The following AGO3 variants were observed in gnomAD, a reference collection of about 807,000 sequenced individuals.
The protein encoded by AGO3 is argonaute RISC catalytic component 3.
AGO3 carries 16 observed loss-of-function variants against 105.5 expected under a neutral mutation model. The ratio of observed to expected loss-of-function variants is 0.15; its 90% CI spans 0.10 to 0.23. The LOEUF (loss-of-function observed/expected upper bound fraction) is 0.23. Ranked by LOEUF, AGO3 falls within the 10% of genes least tolerant of loss-of-function variation. The pLI, the probability that AGO3 is intolerant of heterozygous loss-of-function variation, is 1.00. For synonymous variants in AGO3, 340 were observed against 367.3 expected (o/e 0.93, Z 0.85); for missense variants, 534 against 1,088.0 (o/e 0.49, Z 7.16).
chr1:35,968,867 A>G (rs564607573), intron 3 of AGO3, among the ~76,000 whole-genome samples: 1 of 150,372 alleles, frequency 6.7e-6, no homozygotes, highest in Admixed American at 6.6e-5. Context: ...AGAGTTCCAA[A>G]CTCTCACTTC....
At position 36,008,627 on chromosome 1, in the gene AGO3, TTATAAG is replaced by T; in HGVS notation, c.794-57_794-52del. 1 of 1,509,196 alleles carries T rather than the reference TTATAAG, an allele frequency of 6.6e-7. No individual in the cohort carries two copies. Among genetic ancestry groups the T allele is most frequent in the Non-Finnish European group, 9.1e-7 (1 of 1,093,140 alleles). The allele number at this position is 1,509,196 out of a possible 1,614,324, so 93.5% of individuals were successfully genotyped here. ...GAGTTTTTATGGTAATGAACAGGCT[TTATAAG>T]TATAAATATTTTACATGTGACAGTT... On this transcript the variant is annotated intron_variant, in intron 6 of 18. Coordinates refer to ENST00000373191, the MANE Select transcript of AGO3 (RefSeq NM_024852.4). This position sits in a 1 kb window ranked among gnomAD's most constrained non-coding sequence, Gnocchi z 5.1.
At chr1:36,024,860 T>C (rs1641426044) in intron 11 of AGO3, among the ~76,000 whole-genome samples, 1 of 152,154 alleles carries the variant, frequency 6.6e-6, no homozygotes, top group Admixed American at 6.5e-5. Context: ...TTTCATATAT[T>C]CTGGCCAAAG....
chr1:35,971,047 TTTTA>T (rs1224459054), intron 3 of AGO3, among the ~76,000 whole-genome samples: 2 of 137,320 alleles, frequency 1.5e-5, no homozygotes, highest in African/African-American at 6.3e-5. Context: ...TATATATATT[TTTTA>T]TTATAAATAT....
intron 2 of AGO3, among the ~76,000 whole-genome samples, chr1:35,951,505 C>T (rs1001620924): frequency 6.6e-6 from 1 of 152,092 alleles, no homozygotes; most frequent in Non-Finnish European, 1.5e-5. Flanking sequence ...CTCAAGCAAT[C>T]CTCCCACCTC....
rs1569751104 is a variant in AGO3, at chr1:36,008,570, T to C, written c.794-120T>C. On this transcript the variant is annotated intron_variant, in intron 6 of 18. Transcript: ENST00000373191. This position sits in a 1 kb window ranked among gnomAD's most constrained non-coding sequence, Gnocchi z 5.1. ...AATCTGGTGTTTATATCATCTTGCCTGTATCACAGAATTTTTTGTCTGTTC... is the reference window on the plus strand; with the variant it reads ...AATCTGGTGTTTATATCATCTTGCCCGTATCACAGAATTTTTTGTCTGTTC... 5 of 836,678 alleles carry C rather than the reference T, an allele frequency of 6.0e-6. No individual in the cohort carries two copies. The East Asian group carries it at 1.4e-4, about 23-fold the overall frequency. 51.8% of individuals were successfully genotyped at this position (836,678 alleles called of 1,614,324 possible).
At chr1:36,018,622 G>A (rs968511410) in intron 11 of AGO3, among the ~76,000 whole-genome samples, 2 of 151,870 alleles carry the variant, frequency 1.3e-5, no homozygotes, top group Non-Finnish European at 1.5e-5. Flanking sequence ...TAGTAGAGAT[G>A]GGGTTTCACC....
chr1:36,032,370 A>C (rs1427156884), intron 12 of AGO3, among the ~76,000 whole-genome samples: 1 of 151,964 alleles, frequency 6.6e-6, no homozygotes, highest in Non-Finnish European at 1.5e-5. Context: ...TTCTTTAGAG[A>C]AATGTGTATT....
At chr1:35,951,491 T>G (rs1015612142) in intron 2 of AGO3, among the ~76,000 whole-genome samples, 1 of 152,126 alleles carries the variant, frequency 6.6e-6, no homozygotes, top group Non-Finnish European at 1.5e-5. Flanking sequence ...TTGACCTCCC[T>G]GGGCTCAAGC....
Position 36,055,854 on chromosome 1 carries a change from C to T in AGO3, c.*109C>T. 2 of 1,034,334 alleles carry T rather than the reference C, an allele frequency of 1.9e-6. No homozygotes were observed. Among genetic ancestry groups the T allele is most frequent in the South Asian group, 1.5e-5 (1 of 67,964 alleles). The allele number at this position is 1,034,334 out of a possible 1,614,324, so 64.1% of individuals were successfully genotyped here. On this transcript the variant is annotated 3_prime_UTR_variant, in exon 19 of 19. Transcript: ENST00000373191. The surrounding 1 kb of genome is among the most constrained non-coding windows in gnomAD (Gnocchi z 4.4). Reference sequence around the variant, plus strand: ...AGGACACCTCCAGCCATACAGAAACCAACACTGTGTGGGGGCCAAGGTCTG... The same window carrying T: ...AGGACACCTCCAGCCATACAGAAACTAACACTGTGTGGGGGCCAAGGTCTG...
intron 5 of AGO3, among the ~76,000 whole-genome samples, chr1:35,994,044 T>A (rs1371730119): frequency 3.9e-5 from 5 of 127,434 alleles, no homozygotes; most frequent in Admixed American, 1.6e-4. Flanking sequence ...GCGCCCAGAT[T>A]TTTTTTTTTT....
intron 8 of AGO3, among the ~76,000 whole-genome samples, 171 bp downstream of exon 8, chr1:36,009,215 A>G (rs1366906790): frequency 2.6e-5 from 4 of 152,028 alleles, no homozygotes; most frequent in African/African-American, 9.7e-5. Context: ...AAGTTCATCC[A>G]TAATCCTACC....
At chr1:36,001,107 G>A (rs191751505) in intron 5 of AGO3, among the ~76,000 whole-genome samples, 184 of 152,150 alleles carry the variant, frequency 1.2e-3, no homozygotes, top group African/African-American at 4.2e-3. Context: ...GTGGTGGCAC[G>A]TGCCTGTAAT....
chr1:36,071,521 A>G lies in AGO3; in HGVS notation c.*15776A>G, dbSNP rs540646174. On this transcript the variant is annotated 3_prime_UTR_variant, in exon 19 of 19. Transcript: ENST00000373191. The stretch of plus-strand genomic sequence containing the variant: ...CTCCTTTTCCACACTATTCTTGCCA[A>G]ATATTTCTACTGAAACCCAGTTTCA... 1.3e-5 allele frequency: 2 copies of G among 152,148 alleles called. No individual in the cohort carries two copies. Among genetic ancestry groups the G allele is most frequent in the African/African-American group, 2.4e-5 (1 of 41,416 alleles). The allele number at this position is 152,148 out of a possible 1,614,324, so 9.4% of individuals were successfully genotyped here.
rs76924555 is a variant in AGO3, at chr1:36,009,477, C to G, written c.1032C>G (p.Val344=). Residue 344 remains valine, a splice_region_variant and synonymous_variant, in exon 9 of 19, where the codon GTC becomes GTG. Transcript: ENST00000373191. ...ACAAAACTTTTTTCCATTTGTAGGTCTGTAATATTGTGGCAGGGCAACGAT... is the reference window on the plus strand; with the variant it reads ...ACAAAACTTTTTTCCATTTGTAGGTGTGTAATATTGTGGCAGGGCAACGAT... ...EQKHTYLPLE[V]CNIVAGQRCI... 3 of 1,610,720 alleles carry G rather than the reference C, an allele frequency of 1.9e-6. No individual in the cohort carries two copies. Among genetic ancestry groups the G allele is most frequent in the Non-Finnish European group, 2.5e-6 (3 of 1,178,746 alleles).
intron 2 of AGO3, among the ~76,000 whole-genome samples, chr1:35,960,796 C>T (rs566260091): frequency 1.0e-3 from 154 of 152,006 alleles, no homozygotes; most frequent in Non-Finnish European, 8.8e-4. Context: ...AAAAATTGAC[C>T]CGTATACTAT....
At chr1:35,992,240 C>T (rs1647735789) in intron 5 of AGO3, 1 of 152,248 alleles carries the variant, frequency 6.6e-6, no homozygotes, top group Admixed American at 6.6e-5. Context: ...CTTGTGCTCT[C>T]AACTGTGTCT....
At chr1:35,981,278 A>G (rs1647048668) in intron 5 of AGO3, among the ~76,000 whole-genome samples, 1 of 152,062 alleles carries the variant, frequency 6.6e-6, no homozygotes. Flanking sequence ...TTATATTGGC[A>G]TGAGATGAGT....
At chr1:36,014,582 T>C (rs984746579) in intron 11 of AGO3, among the ~76,000 whole-genome samples, 29 of 150,020 alleles carry the variant, frequency 1.9e-4, no homozygotes, top group Admixed American at 4.6e-4. Context: ...CCATCCTGGC[T>C]AACATGGTGA....
At position 35,973,483 on chromosome 1, in the gene AGO3, C is replaced by A; in HGVS notation, c.630C>A (p.Ala210=). Residue 210 remains alanine, a synonymous_variant, in exon 5 of 19, where the codon GCC becomes GCA. Coordinates refer to ENST00000373191, the MANE Select transcript of AGO3 (RefSeq NM_024852.4). ...WFGFHQSVRP[A]MWKMMLNIDV... ...GATTCCATCAGTCTGTTCGGCCTGC[C>A]ATGTGGAAAATGATGCTTAATATCG... 6.3e-7 allele frequency: 1 copy of A among 1,584,172 alleles called. No individual in the cohort carries two copies. The highest frequency in any genetic ancestry group is 1.7e-5 in the Admixed American group (1 of 58,818).
Sources: gnomAD v4.1 joint callset for allele counts (sites outside exome capture counted in the v4.1 genomes callset) on GRCh38, gnomAD v4.1.1 for gene constraint, Gnocchi (gnomAD v3.1) non-coding constraint, MANE v1.5 for transcripts, NCBI Gene and HGNC (gene_info 2026-07-23, HGNC 2026-07-21) for gene names.